Variants in ENTREP2 observed in about 807,000 individuals in gnomAD.
ENTREP2 encodes the protein protein ENTREP2.
chr15:29,125,153 C>T, the ENTREP2 span, among the ~76,000 whole-genome samples: 6 of 152,220 alleles, frequency 3.9e-5, no homozygotes, highest in Non-Finnish European at 8.8e-5. Context: ...GTGAATTTCA[C>T]TGAGAGGGAC....
At chr15:29,249,420 T>C in the ENTREP2 span, among the ~76,000 whole-genome samples, 3 of 152,206 alleles carry the variant, frequency 2.0e-5, no homozygotes, top group African/African-American at 7.2e-5. Context: ...TATACATACA[T>C]GCATGCATAC....
At chr15:29,133,059 C>A in the ENTREP2 span, among the ~76,000 whole-genome samples, 1 of 152,174 alleles carries the variant, frequency 6.6e-6, no homozygotes, top group African/African-American at 2.4e-5. Flanking sequence ...CTGCCCGGTG[C>A]CCCTGCTGGC....
the ENTREP2 span, among the ~76,000 whole-genome samples, chr15:29,172,609 G>C: frequency 6.6e-6 from 1 of 152,124 alleles, no homozygotes. Flanking sequence ...GGATGACAGA[G>C]AGGACAATAG....
the ENTREP2 span, among the ~76,000 whole-genome samples, chr15:29,529,241 G>A: frequency 6.6e-6 from 1 of 150,384 alleles, no homozygotes. Context: ...GTGAGGGTGT[G>A]GAGGGGTGTG....
chr15:29,406,441 G>A, the ENTREP2 span, among the ~76,000 whole-genome samples: 1 of 151,936 alleles, frequency 6.6e-6, no homozygotes. Flanking sequence ...TCAGCTACTC[G>A]GATGGCTGAG....
At chr15:29,266,963 G>C in the ENTREP2 span, 1 of 152,218 alleles carries the variant, frequency 6.6e-6, no homozygotes, top group Non-Finnish European at 1.5e-5. Flanking sequence ...GTGAGAATGC[G>C]AGTATCAGAG....
chr15:29,554,345 G>A, the ENTREP2 span, among the ~76,000 whole-genome samples: 1 of 148,774 alleles, frequency 6.7e-6, no homozygotes. Flanking sequence ...AAGGAAGTGA[G>A]GAAGGTAAGG....
chr15:29,476,643 C>T, the ENTREP2 span, among the ~76,000 whole-genome samples: 1 of 152,212 alleles, frequency 6.6e-6, no homozygotes, highest in Non-Finnish European at 1.5e-5. Context: ...ACTTCTGGAC[C>T]TGAGGACAGA....
chr15:29,422,525 T>G, the ENTREP2 span, among the ~76,000 whole-genome samples: 1 of 152,096 alleles, frequency 6.6e-6, no homozygotes, highest in Non-Finnish European at 1.5e-5. Context: ...GTCAGCAAGT[T>G]TGCGTGTTAA....
At chr15:29,124,663 C>A in the ENTREP2 span, 48 of 1,547,784 alleles carry the variant, frequency 3.1e-5, no homozygotes, top group South Asian at 9.5e-5. Flanking sequence ...GCAGTCAAAG[C>A]GCTTTAGAAA....
At chr15:29,345,961 C>A in the ENTREP2 span, among the ~76,000 whole-genome samples, 1 of 152,184 alleles carries the variant, frequency 6.6e-6, no homozygotes, top group Non-Finnish European at 1.5e-5. Flanking sequence ...TTAATTCTCA[C>A]ACCAATTCCA....
the ENTREP2 span, among the ~76,000 whole-genome samples, chr15:29,447,270 G>A: frequency 6.6e-6 from 1 of 152,114 alleles, no homozygotes; most frequent in African/African-American, 2.4e-5. Context: ...AGATTTCCAT[G>A]GAGAAAAGAA....
At chr15:29,474,268 C>A in the ENTREP2 span, among the ~76,000 whole-genome samples, 1 of 152,150 alleles carries the variant, frequency 6.6e-6, no homozygotes, top group African/African-American at 2.4e-5. Flanking sequence ...GATAAGCCAT[C>A]CAGGCTGGGG....
chr15:29,338,929 T>C, the ENTREP2 span, among the ~76,000 whole-genome samples: 1 of 152,120 alleles, frequency 6.6e-6, no homozygotes, highest in African/African-American at 2.4e-5. Context: ...TTCAGCTGAA[T>C]GTAGCAGGGC....
the ENTREP2 span, among the ~76,000 whole-genome samples, chr15:29,649,742 AAAAGAAAGAAAG>A: frequency 8.6e-5 from 13 of 151,006 alleles, no homozygotes; most frequent in African/African-American, 3.2e-4. Flanking sequence ...AAAAAAAAAA[AAAAGAAAGAAAG>A]AAAGAAAAAA....
the ENTREP2 span, among the ~76,000 whole-genome samples, chr15:29,555,479 C>A: frequency 6.6e-6 from 1 of 152,134 alleles, no homozygotes; most frequent in Non-Finnish European, 1.5e-5. Context: ...AGCCCTATAA[C>A]AACAAAGTAT....
At chr15:29,338,802 T>A in the ENTREP2 span, among the ~76,000 whole-genome samples, 92,815 of 152,140 alleles carry the variant, frequency 0.61, 32,797 homozygotes, top group Non-Finnish European at 0.77. Flanking sequence ...GTAAGGTTTT[T>A]AAAAATACCA....
chr15:29,382,609 A>T, the ENTREP2 span, among the ~76,000 whole-genome samples: 1 of 152,118 alleles, frequency 6.6e-6, no homozygotes, highest in Non-Finnish European at 1.5e-5. Context: ...ACCAGAAGTC[A>T]TCCCCTCTCT....
the ENTREP2 span, chr15:29,266,503 A>T: frequency 6.6e-6 from 1 of 152,354 alleles, no homozygotes; most frequent in Admixed American, 6.5e-5. Context: ...GAAAGACCTT[A>T]AATGTCCAGA....
Sources: allele counts gnomAD v4.1 joint callset (sites outside exome capture counted in the v4.1 genomes callset), GRCh38; gene constraint gnomAD v4.1.1; transcripts MANE v1.5; gene names NCBI Gene and HGNC (gene_info 2026-07-23, HGNC 2026-07-21).